ATRX: variants seen among roughly 807,000 people sequenced by gnomAD.
ATRX encodes chromatin remodeler ATRX.
A neutral mutation model predicts 172.6 loss-of-function variants in ATRX; 12 were observed. That is an observed-to-expected ratio of 0.07 (90% CI 0.04 to 0.11). The LOEUF is 0.11. Among genes scored for constraint, ATRX ranks in the 10% least tolerant of loss-of-function variants. The pLI is 1.00. For synonymous variants in ATRX, 674 were observed against 594.7 expected (o/e 1.13, Z -1.94); for missense variants, 1,368 against 1,767.4 (o/e 0.77, Z 4.05).
At chrX:77,764,906 G>A (rs968472125) in intron 1 of ATRX, among the ~76,000 whole-genome samples, 16 of 112,082 alleles carry the variant, frequency 1.4e-4, no homozygotes, top group African/African-American at 4.5e-4. Flanking sequence ...TGTGTTGGCA[G>A]GGTGCGGTGG....
chrX:77,604,760 TA>T (rs2066835102), intron 22 of ATRX, among the ~76,000 whole-genome samples: 3 of 112,582 alleles, frequency 2.7e-5, no homozygotes, highest in Non-Finnish European at 3.8e-5. Context: ...CCTAAGTGTC[TA>T]TCAAAAGATG....
At chrX:77,737,900 G>T (rs1395421226) in intron 1 of ATRX, among the ~76,000 whole-genome samples, 3 of 111,368 alleles carry the variant, frequency 2.7e-5, no homozygotes, top group Non-Finnish European at 5.6e-5. Context: ...ACATGTCTTT[G>T]GTTTTCTTAC....
intron 19 of ATRX, among the ~76,000 whole-genome samples, chrX:77,624,746 G>T (rs1032232324): frequency 5.4e-5 from 6 of 111,908 alleles, no homozygotes; most frequent in Admixed American, 9.4e-5. Flanking sequence ...AATCATAGGC[G>T]ACACAAACAA....
rs781842591 is a variant in ATRX at position 77,698,567 on chromosome X, T to C, written c.189+7A>G. ...ACTAACAAATATCTCTAAATAATTATCCTTACCTCTTCCTTGCTGTTTTCC... is the reference window on the plus strand; with the variant it reads ...ACTAACAAATATCTCTAAATAATTACCCTTACCTCTTCCTTGCTGTTTTCC... On this transcript the variant is annotated splice_region_variant and intron_variant, in intron 3 of 34. Coordinates refer to ENST00000373344, the MANE Select transcript of ATRX (RefSeq NM_000489.6). 71 of 1,198,097 alleles carry C rather than the reference T, an allele frequency of 5.9e-5. 2 individuals carry two copies. The East Asian group carries it at 8.9e-4, about 15-fold the overall frequency.
chrX:77,732,577 C>T (rs1557176676), intron 1 of ATRX, among the ~76,000 whole-genome samples: 1 of 111,760 alleles, frequency 8.9e-6, no homozygotes, highest in Non-Finnish European at 1.9e-5. Flanking sequence ...AAAGATCATT[C>T]ATCGTAACCA....
At chrX:77,723,306 C>T (rs1451661492) in intron 1 of ATRX, among the ~76,000 whole-genome samples, 4 of 111,115 alleles carry the variant, frequency 3.6e-5, no homozygotes, top group African/African-American at 1.3e-4. Flanking sequence ...TACTCAATGA[C>T]CCAACAATTC....
intron 1 of ATRX, among the ~76,000 whole-genome samples, chrX:77,741,697 A>G (rs1309562480): frequency 2.7e-5 from 3 of 111,317 alleles, no homozygotes; most frequent in Non-Finnish European, 5.7e-5. Flanking sequence ...CCTGACCTCA[A>G]GTGATCCACC....
chrX:77,682,454 C>T lies in ATRX; in HGVS notation c.2802G>A (p.Leu934=), dbSNP rs1557138832. The T allele has an allele frequency of 3.3e-6, 4 of 1,211,011 alleles. No individual in the cohort carries two copies. Among genetic ancestry groups the T allele is most frequent in the Non-Finnish European group, 4.5e-6 (4 of 895,128 alleles). The change falls in exon 9 of 35, where the codon TTG becomes TTA. Residue 934 remains leucine, a synonymous_variant. Transcript: ENST00000373344. ...TAGTTTCAGCAACTTTTCTAACTTC[C>T]AAAGAAGTAAAACTCTCCTCTTTCC... is the stretch of plus-strand genomic sequence containing the variant. ...LSGKEESFTS[L]EVRKVAETKE...
intron 34 of ATRX, among the ~76,000 whole-genome samples, chrX:77,519,839 A>G (rs1174006451): frequency 8.9e-6 from 1 of 111,800 alleles, no homozygotes; most frequent in Non-Finnish European, 1.9e-5. Flanking sequence ...CAGTATATTG[A>G]AGAGGTAGCT....
intron 26 of ATRX, among the ~76,000 whole-genome samples, chrX:77,591,674 TC>T (rs1690161972): frequency 8.9e-6 from 1 of 112,037 alleles, no homozygotes; most frequent in Admixed American, 9.5e-5. Flanking sequence ...ATGAATTGAC[TC>T]CTGGTGCTCA....
In ATRX at chrX:77,683,507, T is replaced by C; in HGVS notation, c.1749A>G (p.Thr583=). 8.3e-7 allele frequency: 1 copy of C among 1,209,157 alleles called. No homozygotes were observed. Among genetic ancestry groups the C allele is most frequent in the Non-Finnish European group, 1.1e-6 (1 of 893,138 alleles). The change falls in exon 9 of 35, where the codon ACA becomes ACG. Residue 583 remains threonine, a synonymous_variant. Transcript: ENST00000373344. ...GIKSKTTAKV[T]KELYVKLTPV... is the part of the protein sequence containing the mutation. ...GAGTGAGTTTAACATATAATTCTTT[T>C]GTTACTTTAGCTGTAGTTTTTGATT...
rs1026490154 is a variant in ATRX at position 77,762,436 on chromosome X, C to A, written c.20+23546G>T. On this transcript the variant is annotated intron_variant, in intron 1 of 34. Coordinates refer to ENST00000373344, the MANE Select transcript of ATRX (RefSeq NM_000489.6). ...TTTTAGCTAAATACTGTATATATTA[C>A]TTGTACATAGCTCTAAATATTTTAA... is the stretch of plus-strand genomic sequence containing the variant. Among the ~76,000 whole-genome samples the A allele has an allele frequency of 2.8e-5, 3 of 108,561 alleles. No individual in the cohort carries two copies. The Admixed American group carries it at 3.0e-4, about 11-fold the overall frequency. 94.3% of individuals were successfully genotyped at this position (108,561 alleles called of 115,157 possible).
intron 2 of ATRX, 111 bp downstream of exon 2, chrX:77,717,020 G>C: frequency 1.5e-6 from 1 of 655,559 alleles, no homozygotes. Context: ...TCCACAAACT[G>C]AAATCTCTTT....
intron 30 of ATRX, among the ~76,000 whole-genome samples, chrX:77,540,877 A>C (rs1557050497): frequency 8.9e-6 from 1 of 111,956 alleles, no homozygotes; most frequent in Non-Finnish European, 1.9e-5. Flanking sequence ...AAGATCTAAA[A>C]TCAACACTCT....
In ATRX at chrX:77,528,531, C is replaced by T. The variant is rs1488708112; in HGVS notation, c.6700-5130G>A. 6.4e-5 allele frequency among the ~76,000 whole-genome samples: 7 copies of T among 110,232 alleles called. No individual in the cohort carries two copies. The Middle Eastern group carries it at 0.014, about 217-fold the overall frequency. Reference sequence around the variant, plus strand: ...GGAAACTAGGGTCTGGAGCAAACCCCCAGCTAACCACAGGAGCCCTACAGT... The same window carrying T: ...GGAAACTAGGGTCTGGAGCAAACCCTCAGCTAACCACAGGAGCCCTACAGT... On this transcript the variant is annotated intron_variant, in intron 30 of 34. Transcript: ENST00000373344.
chrX:77,605,508 C>A (rs1412080975), intron 22 of ATRX, among the ~76,000 whole-genome samples: 1 of 110,260 alleles, frequency 9.1e-6, no homozygotes, highest in Non-Finnish European at 1.9e-5. Flanking sequence ...AACCTCCCAA[C>A]AAAAATCACC....
intron 30 of ATRX, among the ~76,000 whole-genome samples, chrX:77,544,687 G>A (rs1269112903): frequency 9.2e-6 from 1 of 108,499 alleles, no homozygotes. Context: ...TTGTTCTTGC[G>A]ATAGTTTACT....
chrX:77,599,966 C>A (rs113351311), intron 23 of ATRX, 146 bp from the exon 24 acceptor site: 8 of 514,177 alleles, frequency 1.6e-5, no homozygotes, highest in Non-Finnish European at 2.6e-5. Context: ...ACAAAGAAGA[C>A]AGGACAGATA....
chrX:77,754,566 C>T lies in ATRX; in HGVS notation c.20+31416G>A, dbSNP rs147308530. Among the ~76,000 whole-genome samples the T allele has an allele frequency of 2.3e-4, 26 of 111,630 alleles. No individual in the cohort carries two copies. In the East Asian group the frequency reaches 6.2e-3, roughly 26 times the overall value. ...CAAAATCTCTTAGCATTTGATTGTCCGTAAAGGATTTTATTCCTCCTTCGC... is the reference window on the plus strand; with the variant it reads ...CAAAATCTCTTAGCATTTGATTGTCTGTAAAGGATTTTATTCCTCCTTCGC... On this transcript the variant is annotated intron_variant, in intron 1 of 34. Transcript: ENST00000373344.
Sources: allele counts gnomAD v4.1 joint callset (sites outside exome capture counted in the v4.1 genomes callset), GRCh38; gene constraint gnomAD v4.1.1; transcripts MANE v1.5; gene names NCBI Gene and HGNC (gene_info 2026-07-23, HGNC 2026-07-21).